GSTM1: variants seen among roughly 807,000 people sequenced by gnomAD.
The protein encoded by GSTM1 is GST HB subunit 4.
In GSTM1, 6 loss-of-function variants were observed where a neutral mutation model predicts 17.3. That is an observed-to-expected ratio of 0.35 (90% confidence interval 0.19 to 0.68). GSTM1 has a LOEUF of 0.68. Among genes scored for constraint, GSTM1 ranks in the 30% least tolerant of loss-of-function variants. The pLI is 0.65. For missense variants in GSTM1, 62 were observed against 155.9 expected (o/e 0.40, Z 3.21); for synonymous variants, 20 against 53.6 (o/e 0.37, Z 2.74).
intron 5 of GSTM1, among the ~76,000 whole-genome samples, chr1:109,689,708 T>C (rs1648050659): frequency 1.3e-5 from 1 of 78,602 alleles, no homozygotes; most frequent in African/African-American, 3.6e-5. Flanking sequence ...CACCCTCGAA[T>C]TGCATCTTCT....
chr1:109,692,270 G>C lies in GSTM1; in HGVS notation c.568-936G>C, dbSNP rs1360107029. On this transcript the variant is annotated intron_variant, in intron 7 of 7. Coordinates refer to ENST00000309851, the MANE Select transcript of GSTM1 (RefSeq NM_000561.4). ...ATGGGCTTTCACCATGTTGGCCAGG[G>C]TGGTCTTGAACTCCTGACCTCGGGT... Among the ~76,000 whole-genome samples the C allele has an allele frequency of 8.9e-5, 7 of 78,322 alleles. 3 individuals carry two copies. Among genetic ancestry groups the C allele is most frequent in the Admixed American group, 2.7e-4 (2 of 7,280 alleles). The allele number at this position is 78,322 out of a possible 152,430, so 51.4% of individuals were successfully genotyped here.
chr1:109,690,711 C>A, intron 7 of GSTM1, 147 bp downstream of exon 7: 1 of 634,188 alleles, frequency 1.6e-6, no homozygotes, highest in East Asian at 5.3e-5. Context: ...GCACATTATA[C>A]CTATTGTGTG....
Position 109,692,140 on chromosome 1 carries a change from C to A in GSTM1, c.568-1066C>A, listed in dbSNP as rs1165898556. On this transcript the variant is annotated intron_variant, in intron 7 of 7. Coordinates refer to ENST00000309851, the MANE Select transcript of GSTM1 (RefSeq NM_000561.4). ...GTTGCGTGACCTCGGCTTACTGCAA[C>A]CTCTGCCTCCCGGGTTCAAACAATT... 7.0e-5 allele frequency among the ~76,000 whole-genome samples: 5 copies of A among 71,916 alleles called. 2 individuals are homozygous for A. The highest frequency in any genetic ancestry group is 1.2e-4 in the African/African-American group (3 of 24,962). 47.2% of individuals were successfully genotyped at this position (71,916 alleles called of 152,430 possible).
intron 1 of GSTM1, 48 bp from the exon 2 acceptor site, chr1:109,688,122 G>A: frequency 1.3e-6 from 1 of 797,458 alleles, no homozygotes; most frequent in Non-Finnish European, 1.8e-6. Flanking sequence ...TGCAGACAAA[G>A]TCAGGGACCC....
At position 109,690,667 on chromosome 1, in the gene GSTM1, T is replaced by C; in HGVS notation, c.567+103T>C. On this transcript the variant is annotated intron_variant, in intron 7 of 7. Transcript: ENST00000309851. ...CTACACACAGAATAACTCGCATGTATTGAGTACTGGTTTCATGCCACGAAC... is the reference window on the plus strand; with the variant it reads ...CTACACACAGAATAACTCGCATGTACTGAGTACTGGTTTCATGCCACGAAC... The C allele has an allele frequency of 7.8e-6, 6 of 768,918 alleles. 3 individuals carry two copies. The South Asian group carries it at 1.1e-4, about 14-fold the overall frequency. 47.6% of individuals were successfully genotyped at this position (768,918 alleles called of 1,614,324 possible).
intron 7 of GSTM1, among the ~76,000 whole-genome samples, chr1:109,692,084 C>T (rs57480662): frequency 0.041 from 2,204 of 53,222 alleles, 580 homozygotes; most frequent in African/African-American, 0.11. Flanking sequence ...TTTTTGAGAT[C>T]GTGTCTTGCT....
chr1:109,692,310 G>T lies in GSTM1; in HGVS notation c.568-896G>T, dbSNP rs1393993483. ...TGACCTCGGGTGATCCACCCACCTC[G>T]GCTTCCCAATGTGCTGGGATTACAG... On this transcript the variant is annotated intron_variant, in intron 7 of 7. Coordinates refer to ENST00000309851, the MANE Select transcript of GSTM1 (RefSeq NM_000561.4). Among the ~76,000 whole-genome samples the T allele has an allele frequency of 2.5e-5, 2 of 78,842 alleles. 1 individual carries two copies. The highest frequency in any genetic ancestry group is 6.5e-5 in the Non-Finnish European group (2 of 30,862). 51.7% of individuals were successfully genotyped at this position (78,842 alleles called of 152,430 possible). A position where few individuals can be genotyped will look rare whatever the true frequency, so the allele number is the denominator to read the frequency against.
In GSTM1 at chr1:109,690,516, G is replaced by C. The variant is rs1065411; in HGVS notation, c.519G>C (p.Lys173Asn). The C allele has an allele frequency of 0.37, 287,280 of 772,702 alleles. 120,426 individuals carry two copies. The highest frequency in any genetic ancestry group is 0.7 in the East Asian group (14,834 of 21,234). The allele number at this position is 772,702 out of a possible 1,614,324, so 47.9% of individuals were successfully genotyped here. Residue 173 changes from lysine (K) to asparagine (N), a missense_variant, in exon 7 of 8, where the codon AAG (lysine) becomes AAC (asparagine). Physicochemically the swap from Lys to Asn is moderately conservative, Grantham distance 94. Transcript: ENST00000309851. The part of the protein sequence containing the change: ...VLDLHRIFEP[K>N]CLDAFPNLKD... ...ACCTCCACCGTATATTTGAGCCCAA[G>C]TGCTTGGACGCCTTCCCAAATCTGA...
chr1:109,690,138 C>A, intron 5 of GSTM1, 133 bp from the exon 6 acceptor site: 1 of 359,586 alleles, frequency 2.8e-6, no homozygotes, highest in Non-Finnish European at 5.5e-6. Context: ...GAAGCCTGGG[C>A]ACTGCCCCAG....
intron 7 of GSTM1, among the ~76,000 whole-genome samples, chr1:109,690,868 A>G (rs1480030070): frequency 1.2e-5 from 1 of 81,536 alleles, no homozygotes; most frequent in Non-Finnish European, 3.2e-5. Flanking sequence ...GAGCCTCTGG[A>G]TCTATGGGTG....
At chr1:109,693,099 T>C (rs1277881737) in intron 7 of GSTM1, 107 bp from the exon 8 acceptor site, 1 of 452,562 alleles carries the variant, frequency 2.2e-6, no homozygotes, top group African/African-American at 2.3e-5. Flanking sequence ...TGAGCCCACA[T>C]GGAAAGGCTG....
At position 109,687,931 on chromosome 1, in the gene GSTM1, G is replaced by C; in HGVS notation, c.36+22G>C. 2 of 778,984 alleles carry C rather than the reference G, an allele frequency of 2.6e-6. 1 individual carries two copies. The highest frequency in any genetic ancestry group is 3.7e-6 in the Non-Finnish European group (2 of 535,116). The allele number at this position is 778,984 out of a possible 1,614,324, so 48.3% of individuals were successfully genotyped here. ...CGGGGTGAGCGAGGGTCCGCTGGAC[G>C]GTGGGACGAGGGCGCAGGGGAGGGA... On this transcript the variant is annotated intron_variant, in intron 1 of 7. Coordinates refer to ENST00000309851, the MANE Select transcript of GSTM1 (RefSeq NM_000561.4).
At position 109,690,254 on chromosome 1, in the gene GSTM1, G is replaced by A. The variant is rs1303891461; in HGVS notation, c.361-17G>A. 1.3e-6 allele frequency: 1 copy of A among 771,450 alleles called. No individual in the cohort carries two copies. The allele number at this position is 771,450 out of a possible 1,614,324, so 47.8% of individuals were successfully genotyped here. A position where few individuals can be genotyped will look rare whatever the true frequency, so the allele number is the denominator to read the frequency against. ...GAGCTTTTGTCCGAGGGTGGTGACA[G>A]CTGTTTTCTGCCTCAGGAGAAACTG... On this transcript the variant is annotated splice_polypyrimidine_tract_variant and intron_variant, in intron 5 of 7. Transcript: ENST00000309851.
Position 109,688,416 on chromosome 1 carries a change from G to T in GSTM1, c.112+171G>T, listed in dbSNP as rs1210863238. 10 of 422,152 alleles carry T rather than the reference G, an allele frequency of 2.4e-5. 4 individuals carry two copies. The highest frequency in any genetic ancestry group is 3.8e-5 in the Non-Finnish European group (9 of 233,922). The allele number at this position is 422,152 out of a possible 1,614,324, so 26.2% of individuals were successfully genotyped here. On this transcript the variant is annotated intron_variant, in intron 2 of 7. Coordinates refer to ENST00000309851, the MANE Select transcript of GSTM1 (RefSeq NM_000561.4). ...TCTGGCCTTGCAAGGCAGAATGCTG[G>T]GGTGGGATGCTGGGCCCCCTGTCTA...
Position 109,692,604 on chromosome 1 carries a change from G to GT in GSTM1, c.568-601dup, listed in dbSNP as rs1286425863. On this transcript the variant is annotated intron_variant, in intron 7 of 7. Transcript: ENST00000309851. ...CATCCAGGTTTTACTGAGACATTGG[G>GT]TGAGTGTGTTCAGAGCCCCTTTGTT... Among the ~76,000 whole-genome samples the GT allele has an allele frequency of 3.8e-5, 3 of 77,934 alleles. 1 individual carries two copies. Among genetic ancestry groups the GT allele is most frequent in the African/African-American group, 1.1e-4 (3 of 27,132 alleles). The allele number at this position is 77,934 out of a possible 152,430, so 51.1% of individuals were successfully genotyped here.
At position 109,690,217 on chromosome 1, in the gene GSTM1, C is replaced by T. The variant is rs761126131; in HGVS notation, c.361-54C>T. 1.6e-4 allele frequency: 104 copies of T among 642,764 alleles called. 41 individuals are homozygous for T. The highest frequency in any genetic ancestry group is 8.5e-4 in the African/African-American group (42 of 49,666). The allele number at this position is 642,764 out of a possible 1,614,324, so 39.8% of individuals were successfully genotyped here. A position where few individuals can be genotyped will look rare whatever the true frequency, so the allele number is the denominator to read the frequency against. Reference sequence around the variant, plus strand: ...GCCGTCCACAGCCCCGGGGAGGCCACGTCTGTGCAGGGAGCTTTTGTCCGA... The same window carrying T: ...GCCGTCCACAGCCCCGGGGAGGCCATGTCTGTGCAGGGAGCTTTTGTCCGA... On this transcript the variant is annotated intron_variant, in intron 5 of 7. Coordinates refer to ENST00000309851, the MANE Select transcript of GSTM1 (RefSeq NM_000561.4).
In GSTM1 at chr1:109,688,758, G is replaced by A. The variant is rs141637715; in HGVS notation, c.177+21G>A. ...CCAATGTAGGTGCAGGGGAAGGGGC[G>A]GTTTTGGGGGAAAGTGCAACGTGTC... is the stretch of plus-strand genomic sequence containing the variant. On this transcript the variant is annotated intron_variant, in intron 3 of 7. Coordinates refer to ENST00000309851, the MANE Select transcript of GSTM1 (RefSeq NM_000561.4). 2,764 of 783,696 alleles carry A rather than the reference G, an allele frequency of 3.5e-3. 938 individuals carry two copies. The African/African-American group carries it at 0.048, about 14-fold the overall frequency. The allele number at this position is 783,696 out of a possible 1,614,324, so 48.5% of individuals were successfully genotyped here. A position where few individuals can be genotyped will look rare whatever the true frequency, so the allele number is the denominator to read the frequency against.
At chr1:109,688,435 C>T in intron 2 of GSTM1, 190 bp downstream of exon 2, 1 of 396,456 alleles carries the variant, frequency 2.5e-6, no homozygotes, top group Non-Finnish European at 4.7e-6. Flanking sequence ...GCTGGGCCCC[C>T]TGTCTAATTG....
Position 109,689,766 on chromosome 1 carries a change from G to A in GSTM1, c.360+441G>A, listed in dbSNP as rs530297160. On this transcript the variant is annotated intron_variant, in intron 5 of 7. Coordinates refer to ENST00000309851, the MANE Select transcript of GSTM1 (RefSeq NM_000561.4). The stretch of plus-strand genomic sequence containing the variant: ...GTCATTGACATGCACAGGGATCTGC[G>A]CATTTTCATAACAGACAGCTCAGAG... Among the ~76,000 whole-genome samples the A allele has an allele frequency of 2.2e-3, 178 of 80,106 alleles. 55 individuals are homozygous for A. Among genetic ancestry groups the A allele is most frequent in the Middle Eastern group, 7.6e-3 (1 of 132 alleles). 52.6% of individuals were successfully genotyped at this position (80,106 alleles called of 152,430 possible). A position where few individuals can be genotyped will look rare whatever the true frequency, so the allele number is the denominator to read the frequency against.
Sources: allele counts gnomAD v4.1 joint callset (sites outside exome capture counted in the v4.1 genomes callset), GRCh38; gene constraint gnomAD v4.1.1; transcripts MANE v1.5; gene names NCBI Gene and HGNC (gene_info 2026-07-23, HGNC 2026-07-21).